Variants in MEIKIN observed in about 807,000 individuals in gnomAD.
MEIKIN encodes the protein meiotic kinetochore factor.
intron 6 of MEIKIN, among the ~76,000 whole-genome samples, chr5:131,921,073 A>C (rs1252881460): frequency 1.3e-5 from 2 of 152,226 alleles, no homozygotes; most frequent in African/African-American, 4.8e-5. Context: ...AAATAACATC[A>C]GTAATCTGAA....
chr5:131,869,984 C>G (rs1384805788), intron 9 of MEIKIN, among the ~76,000 whole-genome samples: 1 of 152,156 alleles, frequency 6.6e-6, no homozygotes, highest in African/African-American at 2.4e-5. Context: ...CAGCACTTTA[C>G]TTGTTGTTAG....
chr5:131,862,417 A>G (rs1750302323), intron 9 of MEIKIN, among the ~76,000 whole-genome samples: 2 of 151,660 alleles, frequency 1.3e-5, no homozygotes, highest in Admixed American at 6.6e-5. Context: ...GATACTTTGT[A>G]TTTTTTTAGT....
chr5:131,825,254 C>T (rs1749592123), intron 11 of MEIKIN, among the ~76,000 whole-genome samples: 1 of 152,088 alleles, frequency 6.6e-6, no homozygotes. Flanking sequence ...AATTATAGCA[C>T]ACCCCAAACA....
intron 9 of MEIKIN, among the ~76,000 whole-genome samples, chr5:131,863,557 C>CTTTTTTTT (rs59435888): frequency 4.4e-4 from 30 of 68,418 alleles, no homozygotes; most frequent in South Asian, 6.2e-4. Context: ...CTTCTTTGTC[C>CTTTTTTTT]TTTTTTTTTT....
intron 11 of MEIKIN, among the ~76,000 whole-genome samples, chr5:131,848,896 T>C (rs1750062782): frequency 6.6e-6 from 1 of 152,150 alleles, no homozygotes; most frequent in Non-Finnish European, 1.5e-5. Context: ...TTCTGCTTAA[T>C]TTGGCGAGAC....
intron 8 of MEIKIN, among the ~76,000 whole-genome samples, chr5:131,890,566 C>A (rs983287761): frequency 1.3e-5 from 2 of 152,158 alleles, no homozygotes; most frequent in African/African-American, 4.8e-5. Context: ...GATGATATCT[C>A]CTTTGTCATT....
chr5:131,870,380 C>T (rs1005226294), intron 9 of MEIKIN, among the ~76,000 whole-genome samples: 4 of 151,978 alleles, frequency 2.6e-5, no homozygotes, highest in Non-Finnish European at 5.9e-5. Context: ...GTTTATTTTT[C>T]TCCTCTTCTC....
At chr5:131,874,102 A>G (rs543557384) in intron 9 of MEIKIN, among the ~76,000 whole-genome samples, 5 of 152,334 alleles carry the variant, frequency 3.3e-5, no homozygotes, top group African/African-American at 1.2e-4. Flanking sequence ...AGCCAGAGCA[A>G]ACACATTCAA....
intron 8 of MEIKIN, among the ~76,000 whole-genome samples, chr5:131,885,144 A>C (rs1750757744): frequency 6.6e-6 from 1 of 152,188 alleles, no homozygotes; most frequent in African/African-American, 2.4e-5. Context: ...AGTTGGCTTC[A>C]TCACCTGTTG....
chr5:131,877,855 T>C (rs1561741806), intron 9 of MEIKIN, among the ~76,000 whole-genome samples: 1 of 152,190 alleles, frequency 6.6e-6, no homozygotes, highest in Non-Finnish European at 1.5e-5. Context: ...AAATGGAAAG[T>C]TCTGGAAATA....
intron 8 of MEIKIN, among the ~76,000 whole-genome samples, chr5:131,892,248 T>A (rs1179201000): frequency 6.6e-6 from 1 of 152,332 alleles, no homozygotes; most frequent in South Asian, 2.1e-4. Context: ...ATTTCCTGAA[T>A]GTGAATGTTG....
intron 12 of MEIKIN, among the ~76,000 whole-genome samples, chr5:131,807,581 T>C (rs547046110): frequency 1.3e-5 from 2 of 152,216 alleles, no homozygotes; most frequent in Non-Finnish European, 2.9e-5. Context: ...CTGGAGCACT[T>C]GATCCAGTTG....
chr5:131,871,156 G>A (rs995444418), intron 9 of MEIKIN, among the ~76,000 whole-genome samples: 2 of 152,204 alleles, frequency 1.3e-5, no homozygotes, highest in African/African-American at 4.8e-5. Context: ...GTGGGTGCCG[G>A]ACAGTGGGTG....
At chr5:131,919,196 T>C (rs1751465688) in intron 6 of MEIKIN, among the ~76,000 whole-genome samples, 1 of 151,446 alleles carries the variant, frequency 6.6e-6, no homozygotes, top group Admixed American at 6.6e-5. Flanking sequence ...CCTATTAGAG[T>C]AGCAAAAATT....
At chr5:131,819,248 C>T (rs1749431494) in intron 11 of MEIKIN, among the ~76,000 whole-genome samples, 1 of 151,802 alleles carries the variant, frequency 6.6e-6, no homozygotes, top group African/African-American at 2.4e-5. Context: ...ACACTAAATT[C>T]CTTGATTTTT....
intron 5 of MEIKIN, among the ~76,000 whole-genome samples, chr5:131,922,872 C>T (rs962859590): frequency 5.3e-5 from 8 of 152,028 alleles, no homozygotes; most frequent in African/African-American, 1.9e-4. Context: ...AGTCCCTTTC[C>T]TCATCTGTTT....
chr5:131,941,110 C>T (rs1751862263), intron 4 of MEIKIN, among the ~76,000 whole-genome samples: 1 of 144,838 alleles, frequency 6.9e-6, no homozygotes, highest in South Asian at 2.2e-4. Context: ...GTTCTTAATC[C>T]ATCGCCTTGA....
At chr5:131,878,650 G>A (rs112733735) in intron 9 of MEIKIN, among the ~76,000 whole-genome samples, 10 of 152,138 alleles carry the variant, frequency 6.6e-5, no homozygotes, top group African/African-American at 2.2e-4. Context: ...TGGTAGGATC[G>A]CTTGAGGCCA....
intron 8 of MEIKIN, among the ~76,000 whole-genome samples, chr5:131,911,443 C>T (rs1472371525): frequency 1.3e-5 from 2 of 151,594 alleles, no homozygotes; most frequent in Non-Finnish European, 2.9e-5. Flanking sequence ...TTTGCTTATC[C>T]CTTTATTTTT....
Sources: gnomAD v4.1 joint callset for allele counts (sites outside exome capture counted in the v4.1 genomes callset) on GRCh38, gnomAD v4.1.1 for gene constraint, MANE v1.5 for transcripts, NCBI Gene and HGNC (gene_info 2026-07-23, HGNC 2026-07-21) for gene names.